The following SLA2 variants were observed in gnomAD, a reference collection of about 807,000 sequenced individuals.
SLA2 encodes Src like adaptor 2.
In SLA2, 22 loss-of-function variants were observed where a neutral mutation model predicts 27.3. The observed-to-expected ratio is 0.81, with a 90% CI of 0.58 to 1.15. The LOEUF (loss-of-function observed/expected upper bound fraction) is 1.15. SLA2 is among the 50% of genes most tolerant of loss of function. The pLI is 0.00. For synonymous variants in SLA2, 131 were observed against 137.8 expected (o/e 0.95, Z 0.34); for missense variants, 304 against 322.2 (o/e 0.94, Z 0.43).
chr20:36,636,623 A>AAAAAAT (rs1387991352), intron 2 of SLA2, among the ~76,000 whole-genome samples: 129 of 114,670 alleles, frequency 1.1e-3, no homozygotes, highest in East Asian at 2.2e-3. Flanking sequence ...AAAAAAAAAA[A>AAAAAAT]ATATATATAT....
chr20:36,633,953 A>G (rs2039418115), intron 3 of SLA2, among the ~76,000 whole-genome samples: 1 of 147,074 alleles, frequency 6.8e-6, no homozygotes, highest in South Asian at 2.4e-4. Context: ...ACCTGGGGGA[A>G]GGGCCCCTTC....
intron 5 of SLA2, among the ~76,000 whole-genome samples, chr20:36,627,340 T>A (rs537887666): frequency 9.9e-5 from 15 of 152,184 alleles, no homozygotes; most frequent in South Asian, 4.1e-4. Context: ...GAGTGAGGGA[T>A]GAGGGATCAG....
At chr20:36,625,781 TGTGCC>T (rs2039330890) in intron 5 of SLA2, among the ~76,000 whole-genome samples, 3 of 147,246 alleles carry the variant, frequency 2.0e-5, no homozygotes, top group African/African-American at 7.6e-5. Flanking sequence ...GAACCATGAT[TGTGCC>T]ACTGCACTCC....
At chr20:36,634,073 C>T (rs1315265553) in intron 3 of SLA2, among the ~76,000 whole-genome samples, 1 of 151,676 alleles carries the variant, frequency 6.6e-6, no homozygotes, top group African/African-American at 2.4e-5. Context: ...CTGCAACCTC[C>T]TCCTCCCAGG....
intron 1 of SLA2, among the ~76,000 whole-genome samples, chr20:36,643,652 TG>T (rs940816265): frequency 1.6e-4 from 24 of 152,158 alleles, no homozygotes; most frequent in Admixed American, 8.5e-4. Context: ...GTTGTTGACA[TG>T]GGAATAACAA....
chr20:36,626,902 G>T (rs1038451635), intron 5 of SLA2, among the ~76,000 whole-genome samples: 7 of 151,866 alleles, frequency 4.6e-5, no homozygotes, highest in African/African-American at 1.7e-4. Context: ...TACAGAAGAG[G>T]TATTTTCAAG....
intron 5 of SLA2, among the ~76,000 whole-genome samples, chr20:36,631,154 A>G (rs1247511805): frequency 6.6e-6 from 1 of 151,632 alleles, no homozygotes; most frequent in African/African-American, 2.4e-5. Flanking sequence ...GGCCATTCAC[A>G]TTCACTTTTA....
chr20:36,614,377 G>A lies in SLA2; in HGVS notation c.593C>T (p.Pro198Leu), dbSNP rs1484763388. ...TAGGGGTATATCCTTGCCAGGGAGCGGGCCAGCCCTCTGCAGGACACAGGG... is the reference window on the plus strand; with the variant it reads ...TAGGGGTATATCCTTGCCAGGGAGCAGGCCAGCCCTCTGCAGGACACAGGG... ...KEPCVLQRAG[P>L]LPGKDIPLPV... is the part of the protein sequence containing the mutation. The change falls in exon 7 of 8, where the codon CCG becomes CTG. Residue 198 changes from proline (P) to leucine (L), a missense_variant. Pro to Leu is a moderately conservative substitution (Grantham distance 98, BLOSUM62 -3). Coordinates refer to ENST00000262866, the MANE Select transcript of SLA2 (RefSeq NM_032214.4). 6 of 1,613,918 alleles carry A rather than the reference G, an allele frequency of 3.7e-6. No individual in the cohort carries two copies. The highest frequency in any genetic ancestry group is 3.4e-6 in the Non-Finnish European group (4 of 1,179,980).
intron 5 of SLA2, among the ~76,000 whole-genome samples, chr20:36,629,993 T>A (rs1424884677): frequency 6.6e-6 from 1 of 151,936 alleles, no homozygotes; most frequent in African/African-American, 2.4e-5. Context: ...GAGTTTTCTC[T>A]TTGCATCTGT....
At position 36,633,669 on chromosome 20, in the gene SLA2, G is replaced by A. The variant is rs747794533; in HGVS notation, c.192-40C>T. ...GAGTGGGGGCACCTCTTTCAGATGA[G>A]CCAAGGCCCCGACAACCACACATTC... On this transcript the variant is annotated intron_variant, in intron 3 of 7. Transcript: ENST00000262866. The A allele has an allele frequency of 4.5e-6, 7 of 1,553,646 alleles. No homozygotes were observed. In the South Asian group the frequency reaches 6.7e-5, roughly 15 times the overall value.
Position 36,613,761 on chromosome 20 carries a change from A to T in SLA2, c.*105T>A. The T allele has an allele frequency of 3.0e-6, 1 of 336,596 alleles. No individual in the cohort carries two copies. The highest frequency in any genetic ancestry group is 2.4e-5 in the South Asian group (1 of 41,666). The allele number at this position is 336,596 out of a possible 1,614,324, so 20.9% of individuals were successfully genotyped here. On this transcript the variant is annotated 3_prime_UTR_variant, in exon 8 of 8. Coordinates refer to ENST00000262866, the MANE Select transcript of SLA2 (RefSeq NM_032214.4). ...GACCCTAGATGCACCTCTGTGTCCC[A>T]CCCTCCCTCCCTGAGTGCACAGCCT...
At chr20:36,619,608 C>T (rs1005262876) in intron 5 of SLA2, among the ~76,000 whole-genome samples, 4 of 151,544 alleles carry the variant, frequency 2.6e-5, no homozygotes, top group African/African-American at 4.8e-5. Flanking sequence ...TAGAGACCCC[C>T]TTCCCATGTC....
At chr20:36,621,038 T>G in intron 5 of SLA2, 2 of 347,014 alleles carry the variant, frequency 5.8e-6, no homozygotes, top group East Asian at 6.9e-5. Flanking sequence ...AGTGGAAACT[T>G]TGGTGGAAGA....
intron 5 of SLA2, chr20:36,621,535 A>G: frequency 1.4e-5 from 2 of 147,920 alleles, no homozygotes; most frequent in Non-Finnish European, 2.9e-5. Context: ...TCTCTGCAGG[A>G]GAATCGCTTG....
Position 36,634,559 on chromosome 20 carries a change from C to T in SLA2, c.122G>A (p.Gly41Asp), listed in dbSNP as rs369401189. ...ERSKATAVAL[G>D]SFPAGGPAEL... ...GGCCGGGCCACCTGCCGGGAAACTG[C>T]CCAGGGCCACGGCTGTGGCCTTGCT... The change falls in exon 3 of 8, where the codon GGC becomes GAC. Residue 41 changes from glycine to aspartate, a missense_variant. Gly to Asp is a moderately conservative substitution (Grantham distance 94). Coordinates refer to ENST00000262866, the MANE Select transcript of SLA2 (RefSeq NM_032214.4). 7.4e-6 allele frequency: 12 copies of T among 1,610,846 alleles called. No homozygotes were observed. The highest frequency in any genetic ancestry group is 6.7e-5 in the African/African-American group (5 of 74,866).
chr20:36,623,962 A>T (rs1049465087), intron 5 of SLA2, among the ~76,000 whole-genome samples: 2 of 151,776 alleles, frequency 1.3e-5, no homozygotes, highest in East Asian at 3.9e-4. Flanking sequence ...TGAACCACCC[A>T]CCCCAGCCAC....
chr20:36,615,140 G>A, intron 6 of SLA2, 85 bp downstream of exon 6: 1 of 1,593,012 alleles, frequency 6.3e-7, no homozygotes, highest in East Asian at 2.2e-5. Context: ...ATACTCCACA[G>A]TAGGTAAAAT....
At chr20:36,639,165 T>A (rs2039481472) in intron 2 of SLA2, among the ~76,000 whole-genome samples, 1 of 152,168 alleles carries the variant, frequency 6.6e-6, no homozygotes. Context: ...TTTAAATCAG[T>A]AGAACGAGTA....
chr20:36,634,506 A>G lies in SLA2; in HGVS notation c.175T>C (p.Leu59=), dbSNP rs766983153. 5 of 1,610,276 alleles carry G rather than the reference A, an allele frequency of 3.1e-6. No homozygotes were observed. In the Admixed American group the frequency reaches 8.4e-5, roughly 27 times the overall value. The change falls in exon 3 of 8, where the codon TTG becomes CTG. Residue 59 remains leucine (L), a synonymous_variant. Coordinates refer to ENST00000262866, the MANE Select transcript of SLA2 (RefSeq NM_032214.4). Reference sequence around the variant, plus strand: ...TGGACTTACTCAGAGACGATGGTCAATGGCTCCCCGAGTCTCAGCGACAGC... The same window carrying G: ...TGGACTTACTCAGAGACGATGGTCAGTGGCTCCCCGAGTCTCAGCGACAGC... ...AELSLRLGEP[L]TIVSEDGDWW...
Sources: gnomAD v4.1 joint callset for allele counts (sites outside exome capture counted in the v4.1 genomes callset) on GRCh38, gnomAD v4.1.1 for gene constraint, MANE v1.5 for transcripts, NCBI Gene and HGNC (gene_info 2026-07-23, HGNC 2026-07-21) for gene names.